Variants in LSM14A observed in about 807,000 individuals in gnomAD.
LSM14A encodes the protein LSM14A mRNA processing body assembly factor.
In LSM14A, 14 loss-of-function variants were observed where a neutral mutation model predicts 52.4. The observed-to-expected ratio is 0.27, with a 90% CI of 0.18 to 0.42. The LOEUF is 0.42. Ranked by LOEUF, LSM14A falls within the 10% of genes least tolerant of loss-of-function variation. LSM14A has a pLI of 1.00. For synonymous variants in LSM14A, 185 were observed against 200.3 expected, an observed-to-expected ratio of 0.92 and a Z score of 0.64; for missense variants, 417 against 581.8, an observed-to-expected ratio of 0.72 and a Z score of 2.91.
intron 1 of LSM14A, among the ~76,000 whole-genome samples, chr19:34,192,824 C>G (rs568583785): frequency 2.0e-5 from 3 of 151,362 alleles, no homozygotes; most frequent in African/African-American, 4.9e-5. Context: ...AAAAAAAATA[C>G]AAAAATTAGC....
rs572812812 is a variant in LSM14A at position 34,216,115 on chromosome 19, A to T, written c.781+454A>T. ...TTACTTTAAAATAAAAAGATTTTTT[A>T]AAATTTTACTTTTCTGGGCCCGGCA... On this transcript the variant is annotated intron_variant, in intron 6 of 9. Transcript: ENST00000544216. 7.2e-5 allele frequency among the ~76,000 whole-genome samples: 11 copies of T among 152,272 alleles called. No individual in the cohort carries two copies. In the East Asian group the frequency reaches 2.1e-3, roughly 29 times the overall value.
intron 3 of LSM14A, among the ~76,000 whole-genome samples, chr19:34,200,141 A>G (rs1248354446): frequency 1.3e-5 from 2 of 152,224 alleles, no homozygotes; most frequent in Non-Finnish European, 2.9e-5. Context: ...ATGGGCTTAT[A>G]TATCCAGAAG....
At chr19:34,211,805 G>C (rs1259956920) in intron 4 of LSM14A, among the ~76,000 whole-genome samples, 1 of 151,706 alleles carries the variant, frequency 6.6e-6, no homozygotes, top group Admixed American at 6.6e-5. Flanking sequence ...AAAAAAAAAA[G>C]ATGTTGGGAA....
chr19:34,224,538 G>A (rs2073241932), intron 9 of LSM14A, among the ~76,000 whole-genome samples: 1 of 152,178 alleles, frequency 6.6e-6, no homozygotes, highest in Admixed American at 6.5e-5. Flanking sequence ...TTGACAGATA[G>A]TCCAGCCTCT....
At chr19:34,197,306 G>A (rs567324485) in intron 3 of LSM14A, among the ~76,000 whole-genome samples, 10 of 152,090 alleles carry the variant, frequency 6.6e-5, no homozygotes, top group Admixed American at 6.6e-5. Flanking sequence ...GGCCAGGCAG[G>A]TCTTGAACTC....
chr19:34,214,637 G>A (rs2072440694), intron 4 of LSM14A, among the ~76,000 whole-genome samples: 1 of 152,096 alleles, frequency 6.6e-6, no homozygotes, highest in Non-Finnish European at 1.5e-5. Context: ...GAAATTTAAT[G>A]GAGTTAATAC....
At chr19:34,222,141 A>G (rs1488323078) in intron 9 of LSM14A, among the ~76,000 whole-genome samples, 3 of 152,220 alleles carry the variant, frequency 2.0e-5, no homozygotes, top group African/African-American at 7.2e-5. Context: ...GGTAGGTTCT[A>G]TTATTATCCC....
rs1362410821 is a variant in LSM14A, at chr19:34,196,705, A to G, written c.357A>G (p.Thr119=). ...ATGGACCTTTCGGCAGGATGCCCAC[A>G]TACAGTCAGTTCAGTCCGAGTTCCT... ...GSYGPFGRMP[T]YSQFSPSSLV... Residue 119 remains threonine, a synonymous_variant, in exon 3 of 10, where the codon ACA becomes ACG. Transcript: ENST00000544216. 6.2e-7 allele frequency: 1 copy of G among 1,613,630 alleles called. No individual in the cohort carries two copies. Among genetic ancestry groups the G allele is most frequent in the African/African-American group, 1.3e-5 (1 of 74,860 alleles).
At chr19:34,179,127 G>A (rs1280735467) in intron 1 of LSM14A, among the ~76,000 whole-genome samples, 1 of 152,130 alleles carries the variant, frequency 6.6e-6, no homozygotes, top group African/African-American at 2.4e-5. Flanking sequence ...TACTGCACTG[G>A]GAAAAGAGAC....
intron 3 of LSM14A, among the ~76,000 whole-genome samples, chr19:34,200,375 A>G (rs1295224795): frequency 6.6e-6 from 1 of 152,172 alleles, no homozygotes; most frequent in Non-Finnish European, 1.5e-5. Context: ...CATTTTAGGG[A>G]CTACTAAGGA....
intron 3 of LSM14A, among the ~76,000 whole-genome samples, chr19:34,198,142 T>C (rs2071007966): frequency 6.6e-6 from 1 of 152,230 alleles, no homozygotes; most frequent in Non-Finnish European, 1.5e-5. Context: ...ATCAGTTTAC[T>C]GTTTCACTGC....
At chr19:34,226,494 G>A in intron 9 of LSM14A, 2 of 1,499,166 alleles carry the variant, frequency 1.3e-6, no homozygotes, top group Non-Finnish European at 1.8e-6. Context: ...TGGGAGGTGT[G>A]AAGGTTGGCT....
At chr19:34,217,615 CCGT>C (rs34800167) in intron 6 of LSM14A, among the ~76,000 whole-genome samples, 7,004 of 25,382 alleles carry the variant, frequency 0.28, 1,111 homozygotes, top group Non-Finnish European at 0.34. Context: ...TCCCCCCCCC[CCGT>C]GTTTTTTTTT....
chr19:34,202,955 C>T (rs2071410113), intron 3 of LSM14A, among the ~76,000 whole-genome samples: 3 of 152,112 alleles, frequency 2.0e-5, no homozygotes, highest in African/African-American at 4.8e-5. Flanking sequence ...CCGCGCCTGG[C>T]GGACTTTTCT....
Position 34,192,319 on chromosome 19 carries a change from G to GTTGTTGTT in LSM14A, c.122-2157_122-2156insGTTGTTTT, listed in dbSNP as rs60512063. On this transcript the variant is annotated intron_variant, in intron 1 of 9. Coordinates refer to ENST00000544216, the MANE Select transcript of LSM14A (RefSeq NM_015578.4). The stretch of plus-strand genomic sequence containing the variant: ...ACACTGAAATAACATTCTTTTTGTT[G>GTTGTTGTT]TTTTTTTTTTTTTTTTTTTTTTTGG... Among the ~76,000 whole-genome samples the GTTGTTGTT allele has an allele frequency of 7.2e-3, 382 of 53,374 alleles. 6 individuals are homozygous for GTTGTTGTT. The highest frequency in any genetic ancestry group is 0.02 in the African/African-American group (252 of 12,334). 35.0% of individuals were successfully genotyped at this position (53,374 alleles called of 152,430 possible).
At chr19:34,211,108 G>A (rs2072111902) in intron 4 of LSM14A, among the ~76,000 whole-genome samples, 1 of 151,720 alleles carries the variant, frequency 6.6e-6, no homozygotes, top group African/African-American at 2.4e-5. Flanking sequence ...TTCGAGACCA[G>A]CCTGGCCAAC....
At chr19:34,221,450 G>A in intron 8 of LSM14A, 57 bp from the exon 9 acceptor site, 1 of 1,545,460 alleles carries the variant, frequency 6.5e-7, no homozygotes, top group Non-Finnish European at 8.8e-7. Flanking sequence ...TGCATATTTT[G>A]GCTGAGGGAT....
intron 3 of LSM14A, among the ~76,000 whole-genome samples, chr19:34,202,871 A>G (rs952906463): frequency 3.3e-5 from 5 of 151,890 alleles, no homozygotes; most frequent in Admixed American, 6.6e-5. Context: ...GTTAGCCAGG[A>G]TGGTCTCGAT....
intron 3 of LSM14A, among the ~76,000 whole-genome samples, chr19:34,202,226 C>G (rs182081343): frequency 6.7e-6 from 1 of 149,402 alleles, no homozygotes; most frequent in African/African-American, 2.5e-5. Context: ...GCTGCCCAGC[C>G]TGGAGTACAA....
Sources: gnomAD v4.1 joint callset for allele counts (sites outside exome capture counted in the v4.1 genomes callset) on GRCh38, gnomAD v4.1.1 for gene constraint, MANE v1.5 for transcripts, NCBI Gene and HGNC (gene_info 2026-07-23, HGNC 2026-07-21) for gene names.